PPM1H: variants seen among roughly 807,000 people sequenced by gnomAD.
The protein encoded by PPM1H is protein phosphatase, Mg2+/Mn2+ dependent 1H.
In PPM1H, 27 loss-of-function variants were observed where a neutral mutation model predicts 54.9. The ratio of observed to expected loss-of-function variants is 0.49; its 90% confidence interval spans 0.36 to 0.68. The LOEUF (loss-of-function observed/expected upper bound fraction) is 0.68, where lower values mean the gene tolerates loss of function less well. Among genes scored for constraint, PPM1H ranks in the 30% least tolerant of loss-of-function variants. The pLI is 0.00. For synonymous variants in PPM1H, 305 were observed against 270.8 expected (o/e 1.13, Z -1.24); for missense variants, 596 against 667.8 (o/e 0.89, Z 1.19).
At chr12:62,878,484 A>G (rs1870260867) in intron 1 of PPM1H, among the ~76,000 whole-genome samples, 3 of 152,108 alleles carry the variant, frequency 2.0e-5, no homozygotes, top group Non-Finnish European at 4.4e-5. Flanking sequence ...TCAAGACAGA[A>G]GTAGCTTTAA....
intron 1 of PPM1H, among the ~76,000 whole-genome samples, chr12:62,855,284 C>A (rs1315464395): frequency 6.6e-6 from 1 of 152,070 alleles, no homozygotes; most frequent in Non-Finnish European, 1.5e-5. Flanking sequence ...CTGCTCCAAG[C>A]GACACAGACT....
intron 4 of PPM1H, among the ~76,000 whole-genome samples, chr12:62,779,258 C>T (rs1326168736): frequency 6.6e-6 from 1 of 151,848 alleles, no homozygotes; most frequent in Non-Finnish European, 1.5e-5. Flanking sequence ...CATGTTGGCC[C>T]AGCTGGTCTC....
At chr12:62,747,138 T>C (rs1314697931) in intron 4 of PPM1H, among the ~76,000 whole-genome samples, 1 of 80,754 alleles carries the variant, frequency 1.2e-5, no homozygotes, top group East Asian at 4.2e-4. Context: ...AAAGGTTTTT[T>C]TTCTTTTTTT....
chr12:62,757,081 C>T (rs555422936), intron 4 of PPM1H, among the ~76,000 whole-genome samples: 18 of 152,240 alleles, frequency 1.2e-4, no homozygotes, highest in African/African-American at 4.3e-4. Context: ...GACAGAAACC[C>T]ATGGCCAAAG....
intron 3 of PPM1H, among the ~76,000 whole-genome samples, chr12:62,793,035 T>C (rs887641023): frequency 1.3e-5 from 2 of 152,208 alleles, no homozygotes; most frequent in African/African-American, 4.8e-5. Flanking sequence ...CAAAAATCAA[T>C]GAAACCACGG....
At chr12:62,654,540 A>G (rs925129036) in intron 9 of PPM1H, among the ~76,000 whole-genome samples, 5 of 152,214 alleles carry the variant, frequency 3.3e-5, no homozygotes, top group Admixed American at 2.0e-4. Flanking sequence ...AAGGCCGGAC[A>G]AGGCACTTGG....
chr12:62,853,579 G>T (rs556205981), intron 1 of PPM1H, among the ~76,000 whole-genome samples: 1 of 152,090 alleles, frequency 6.6e-6, no homozygotes, highest in African/African-American at 2.4e-5. Context: ...TGTAGTTCTC[G>T]GTTTCCTGGC....
chr12:62,910,195 G>A (rs1220197774), intron 1 of PPM1H, among the ~76,000 whole-genome samples: 3 of 152,164 alleles, frequency 2.0e-5, no homozygotes, highest in African/African-American at 7.2e-5. Context: ...ATGGAGCACA[G>A]GAGAGAGGGG....
intron 2 of PPM1H, among the ~76,000 whole-genome samples, chr12:62,808,811 GAAGCCTCCATTT>G (rs2076819914): frequency 6.6e-6 from 1 of 152,124 alleles, no homozygotes; most frequent in Admixed American, 6.5e-5. Context: ...AGCAGACTGA[GAAGCCTCCATTT>G]TACCACCTGG....
chr12:62,819,085 G>T (rs2076886818), intron 2 of PPM1H, among the ~76,000 whole-genome samples: 2 of 149,618 alleles, frequency 1.3e-5, no homozygotes, highest in South Asian at 4.2e-4. Context: ...GCCTCCAAAA[G>T]TGCTGGGAGT....
At chr12:62,837,505 C>T (rs367798461) in intron 1 of PPM1H, among the ~76,000 whole-genome samples, 9 of 152,312 alleles carry the variant, frequency 5.9e-5, no homozygotes, top group Admixed American at 2.0e-4. Context: ...TCTCTCCCTC[C>T]CCACCATGAG....
intron 8 of PPM1H, among the ~76,000 whole-genome samples, chr12:62,674,036 C>T (rs1592536015): frequency 6.6e-6 from 1 of 151,970 alleles, no homozygotes; most frequent in African/African-American, 2.4e-5. Flanking sequence ...ATTTTCCTAT[C>T]TCTGAAATCA....
intron 1 of PPM1H, among the ~76,000 whole-genome samples, chr12:62,900,694 T>C (rs1260225533): frequency 6.6e-6 from 1 of 151,790 alleles, no homozygotes; most frequent in Non-Finnish European, 1.5e-5. Flanking sequence ...ACATTGTCCT[T>C]ATACCATCTA....
At chr12:62,656,820 G>A (rs1356360276) in intron 9 of PPM1H, among the ~76,000 whole-genome samples, 1 of 152,118 alleles carries the variant, frequency 6.6e-6, no homozygotes, top group Admixed American at 6.5e-5. Flanking sequence ...TGGAATGTTG[G>A]CAGGGGTCTA....
At position 62,934,944 on chromosome 12, in the gene PPM1H, C is replaced by A; in HGVS notation, c.-208G>T. 3.1e-6 allele frequency: 1 copy of A among 319,662 alleles called. No individual in the cohort carries two copies. Among genetic ancestry groups the A allele is most frequent in the Non-Finnish European group, 5.4e-6 (1 of 186,590 alleles). The allele number at this position is 319,662 out of a possible 1,614,324, so 19.8% of individuals were successfully genotyped here. A position where few individuals can be genotyped will look rare whatever the true frequency, so the allele number is the denominator to read the frequency against. On this transcript the variant is annotated 5_prime_UTR_variant, in exon 1 of 10. Transcript: ENST00000228705. This position sits in a 1 kb window ranked among gnomAD's most constrained non-coding sequence, Gnocchi z 4.2. The stretch of plus-strand genomic sequence containing the variant: ...TAGTGCCGCGGTGGCCGCCGCCTCC[C>A]CCCGCTACACTTCCGCAACGGAGCT...
intron 2 of PPM1H, 108 bp downstream of exon 2, chr12:62,832,006 C>T (rs1432183698): frequency 2.2e-6 from 3 of 1,340,120 alleles, no homozygotes; most frequent in Non-Finnish European, 3.1e-6. Context: ...GGGGACACTG[C>T]TTTCTCACTT....
In PPM1H at chr12:62,862,182, A is replaced by T. The variant is rs567540039; in HGVS notation, c.246-29903T>A. On this transcript the variant is annotated intron_variant, in intron 1 of 9. Coordinates refer to ENST00000228705, the MANE Select transcript of PPM1H (RefSeq NM_020700.2). Reference sequence around the variant, plus strand: ...GCGGGCTGCTGACCTAAAAAGGATGAAATCTTAAACAGAATCCACTGGAAA... The same window carrying T: ...GCGGGCTGCTGACCTAAAAAGGATGTAATCTTAAACAGAATCCACTGGAAA... 5.9e-5 allele frequency among the ~76,000 whole-genome samples: 9 copies of T among 152,318 alleles called. No homozygotes were observed. The South Asian group carries it at 1.9e-3, about 32-fold the overall frequency.
chr12:62,710,988 T>C (rs2076204297), intron 6 of PPM1H, among the ~76,000 whole-genome samples: 1 of 152,204 alleles, frequency 6.6e-6, no homozygotes, highest in African/African-American at 2.4e-5. Flanking sequence ...CCAACTATTA[T>C]CAAGTACTGT....
At chr12:62,886,935 G>T (rs1870610503) in intron 1 of PPM1H, among the ~76,000 whole-genome samples, 2 of 152,184 alleles carry the variant, frequency 1.3e-5, no homozygotes, top group African/African-American at 4.8e-5. Flanking sequence ...AGGCTGGAGG[G>T]GAAAGCGATG....
Sources: allele counts gnomAD v4.1 joint callset (sites outside exome capture counted in the v4.1 genomes callset), GRCh38; gene constraint gnomAD v4.1.1; non-coding constraint Gnocchi (gnomAD v3.1); transcripts MANE v1.5; gene names NCBI Gene and HGNC (gene_info 2026-07-23, HGNC 2026-07-21).